NATD1: variants seen among roughly 807,000 people sequenced by gnomAD.
NATD1 encodes protein NATD1.
A neutral mutation model predicts 12.0 loss-of-function variants in NATD1; 9 were observed. The ratio of observed to expected loss-of-function variants is 0.75; its 90% confidence interval spans 0.45 to 1.30. The LOEUF (loss-of-function observed/expected upper bound fraction) is 1.30. NATD1 is among the 50% of genes most tolerant of loss of function. The probability of loss-of-function intolerance (pLI) is 0.00; values close to 1 mark genes in which losing one functional copy is unlikely to be tolerated. For synonymous variants in NATD1, 71 were observed against 65.9 expected, an observed-to-expected ratio of 1.08 and a Z score of -0.37; for missense variants, 148 against 148.5, an observed-to-expected ratio of 1.00 and a Z score of 0.02.
chr17:21,248,815 A>G (rs1374819135), intron 1 of NATD1, among the ~76,000 whole-genome samples: 5 of 152,172 alleles, frequency 3.3e-5, no homozygotes, highest in Non-Finnish European at 5.9e-5. Flanking sequence ...CAGGGCCCTC[A>G]GTTCCAGTCT....
Position 21,241,374 on chromosome 17 carries a change from G to A in NATD1, c.*1939C>T, listed in dbSNP as rs909847757. ...AGGGACGTGTAGATGGGAAGGGGGTGACCTTAGGGAGGGTAAAAGAGGACC... is the reference window on the plus strand; with the variant it reads ...AGGGACGTGTAGATGGGAAGGGGGTAACCTTAGGGAGGGTAAAAGAGGACC... On this transcript the variant is annotated 3_prime_UTR_variant, in exon 3 of 3. Coordinates refer to ENST00000611551, the MANE Select transcript of NATD1 (RefSeq NM_152914.3). The A allele has an allele frequency of 1.3e-5, 2 of 151,978 alleles. No homozygotes were observed. The highest frequency in any genetic ancestry group is 4.8e-5 in the African/African-American group (2 of 41,288). 9.4% of individuals were successfully genotyped at this position (151,978 alleles called of 1,614,324 possible). A position where few individuals can be genotyped will look rare whatever the true frequency, so the allele number is the denominator to read the frequency against.
At chr17:21,248,382 G>C (rs145464096) in intron 1 of NATD1, among the ~76,000 whole-genome samples, 55 of 152,248 alleles carry the variant, frequency 3.6e-4, no homozygotes, top group African/African-American at 1.3e-3. Flanking sequence ...CATCTGACCT[G>C]ACCCTCGGCA....
intron 1 of NATD1, among the ~76,000 whole-genome samples, chr17:21,247,048 T>C (rs1175213000): frequency 1.3e-5 from 2 of 152,120 alleles, no homozygotes; most frequent in Non-Finnish European, 2.9e-5. Flanking sequence ...GGGAGGTGGA[T>C]ACAAGAAGCC....
intron 1 of NATD1, among the ~76,000 whole-genome samples, chr17:21,249,363 T>TG (rs1975355652): frequency 6.6e-6 from 1 of 152,084 alleles, no homozygotes; most frequent in Non-Finnish European, 1.5e-5. Flanking sequence ...AGGTGCCACA[T>TG]GTTGGTGGTT....
chr17:21,243,123 C>CG lies in NATD1; in HGVS notation c.*189dup. The CG allele has an allele frequency of 1.8e-6, 1 of 548,360 alleles. No homozygotes were observed. Among genetic ancestry groups the CG allele is most frequent in the Non-Finnish European group, 3.3e-6 (1 of 306,286 alleles). The allele number at this position is 548,360 out of a possible 1,614,324, so 34.0% of individuals were successfully genotyped here. A position where few individuals can be genotyped will look rare whatever the true frequency, so the allele number is the denominator to read the frequency against. ...GGACTACCTGGCCTCCTTGCCGCCT[C>CG]GGTTACCGGGTCACCGCCCATCATT... On this transcript the variant is annotated 3_prime_UTR_variant, in exon 3 of 3. Transcript: ENST00000611551.
At chr17:21,246,630 TGA>T (rs1379817875) in intron 1 of NATD1, among the ~76,000 whole-genome samples, 1 of 150,576 alleles carries the variant, frequency 6.6e-6, no homozygotes, top group African/African-American at 2.5e-5. Context: ...GGGGCTGTAG[TGA>T]GATATGATTG....
intron 1 of NATD1, among the ~76,000 whole-genome samples, chr17:21,246,408 G>C (rs532970112): frequency 3.0e-4 from 46 of 152,076 alleles, no homozygotes; most frequent in African/African-American, 1.1e-3. Flanking sequence ...CAGCTACTTG[G>C]GAGGCTGAGG....
intron 1 of NATD1, among the ~76,000 whole-genome samples, chr17:21,245,931 T>C (rs954880054): frequency 6.6e-6 from 1 of 152,224 alleles, no homozygotes; most frequent in African/African-American, 2.4e-5. Flanking sequence ...CTGCCGCCTG[T>C]CCTGGCTGCA....
chr17:21,250,203 C>A (rs752726398), intron 1 of NATD1, among the ~76,000 whole-genome samples: 1 of 152,248 alleles, frequency 6.6e-6, no homozygotes, highest in African/African-American at 2.4e-5. Context: ...CTCCCCATGA[C>A]CTCTTGACCC....
intron 1 of NATD1, among the ~76,000 whole-genome samples, chr17:21,252,456 C>A (rs1275844208): frequency 4.1e-4 from 62 of 152,220 alleles, no homozygotes; most frequent in Non-Finnish European, 2.9e-5. Context: ...TTCATCCTTA[C>A]AACTAGCCAA....
chr17:21,245,542 G>A (rs1975318055), intron 1 of NATD1, among the ~76,000 whole-genome samples: 1 of 152,122 alleles, frequency 6.6e-6, no homozygotes, highest in Non-Finnish European at 1.5e-5. Context: ...TATCTCCTTT[G>A]ATTCTCCCCA....
chr17:21,243,567 T>C, intron 2 of NATD1, 138 bp from the exon 3 acceptor site: 3 of 640,090 alleles, frequency 4.7e-6, no homozygotes, highest in East Asian at 2.7e-5. Flanking sequence ...TGAGTTTCAG[T>C]GTCACCTGGG....
intron 1 of NATD1, among the ~76,000 whole-genome samples, chr17:21,247,815 G>A (rs1407318759): frequency 2.0e-5 from 3 of 152,156 alleles, no homozygotes; most frequent in East Asian, 1.9e-4. Context: ...ACTGTGAGCC[G>A]AGACAGCAGG....
intron 2 of NATD1, among the ~76,000 whole-genome samples, chr17:21,243,688 T>C (rs1470363247): frequency 3.3e-5 from 5 of 151,890 alleles, no homozygotes; most frequent in Non-Finnish European, 5.9e-5. Flanking sequence ...GCAATTCTCC[T>C]GGCGGGGTGG....
At chr17:21,250,601 C>T (rs1464709883) in intron 1 of NATD1, among the ~76,000 whole-genome samples, 1 of 152,202 alleles carries the variant, frequency 6.6e-6, no homozygotes, top group African/African-American at 2.4e-5. Context: ...TGGTGCAAGA[C>T]TTTGGGCAAG....
chr17:21,250,719 G>A (rs983012841), intron 1 of NATD1, among the ~76,000 whole-genome samples: 4 of 152,140 alleles, frequency 2.6e-5, no homozygotes, highest in African/African-American at 7.2e-5. Context: ...AGGTGCCCAG[G>A]GCCTCCTAGA....
chr17:21,253,337 C>T lies in NATD1; in HGVS notation c.-73G>A. ...GGGAAAGGTCAGGCGCGCGGCGGGG[C>T]TGGAGCGCGGGCGCAGGCGGCAGGC... On this transcript the variant is annotated 5_prime_UTR_variant, in exon 1 of 3. Coordinates refer to ENST00000611551, the MANE Select transcript of NATD1 (RefSeq NM_152914.3). The T allele has an allele frequency of 1.5e-6, 1 of 655,922 alleles. No individual in the cohort carries two copies. The highest frequency in any genetic ancestry group is 1.9e-6 in the Non-Finnish European group (1 of 531,120). The allele number at this position is 655,922 out of a possible 1,614,324, so 40.6% of individuals were successfully genotyped here.
At chr17:21,248,674 T>C (rs1975348807) in intron 1 of NATD1, among the ~76,000 whole-genome samples, 1 of 152,154 alleles carries the variant, frequency 6.6e-6, no homozygotes, top group Non-Finnish European at 1.5e-5. Flanking sequence ...GACATAGGCA[T>C]AGCCTCTGGG....
rs1486765797 is a variant in NATD1, at chr17:21,253,240, G to T, written c.25C>A (p.Pro9Thr). ...CAGCCCTGCTCCAGCGCGCCCAGCG[G>T]CACGGCGGCAGCCGAGTGCGCCATC... MAHSAAAVPLGALEQGCPI... is the reference protein window; with the variant it reads MAHSAAAVTLGALEQGCPI... The change falls in exon 1 of 3, where the codon CCG becomes ACG. Residue 9 changes from proline (P) to threonine (T), a missense_variant. Pro to Thr is a conservative substitution (Grantham distance 38). Transcript: ENST00000611551. 4.0e-6 allele frequency: 4 copies of T among 997,692 alleles called. No individual in the cohort carries two copies. Among genetic ancestry groups the T allele is most frequent in the Non-Finnish European group, 4.8e-6 (4 of 839,592 alleles). 61.8% of individuals were successfully genotyped at this position (997,692 alleles called of 1,614,324 possible).
Sources: allele counts gnomAD v4.1 joint callset (sites outside exome capture counted in the v4.1 genomes callset), GRCh38; gene constraint gnomAD v4.1.1; transcripts MANE v1.5; gene names NCBI Gene and HGNC (gene_info 2026-07-23, HGNC 2026-07-21).